The following PCDHGB4 variants were observed in gnomAD, a reference collection of about 807,000 sequenced individuals.
The protein encoded by PCDHGB4 is protocadherin gamma subfamily B, 4.
A neutral mutation model predicts 60.5 loss-of-function variants in PCDHGB4; 38 were observed. The ratio of observed to expected loss-of-function variants is 0.63; its 90% CI spans 0.48 to 0.82. The LOEUF (loss-of-function observed/expected upper bound fraction) is 0.82. Ranked by LOEUF, PCDHGB4 falls within the 40% of genes least tolerant of loss-of-function variation. The pLI, the probability that PCDHGB4 is intolerant of heterozygous loss-of-function variation, is 0.00. For synonymous variants in PCDHGB4, 456 were observed against 509.7 expected (o/e 0.89, Z 1.42); for missense variants, 1,109 against 1,209.6 (o/e 0.92, Z 1.23).
intron 1 of PCDHGB4, among the ~76,000 whole-genome samples, chr5:141,472,015 T>C (rs2099269555): frequency 6.6e-6 from 1 of 152,164 alleles, no homozygotes; most frequent in African/African-American, 2.4e-5. Flanking sequence ...AGGGGCACTA[T>C]ATTGTATGTA....
chr5:141,391,553 T>G (rs2150453893), intron 1 of PCDHGB4: 1 of 152,348 alleles, frequency 6.6e-6, no homozygotes, highest in South Asian at 2.1e-4. Context: ...CTACCCAGTT[T>G]TCCATATGCA....
intron 1 of PCDHGB4, chr5:141,419,836 G>A (rs756561978): frequency 1.9e-6 from 3 of 1,613,958 alleles, no homozygotes. Context: ...CCACTGCCAC[G>A]CTGCACCTGG....
At chr5:141,443,383 G>A (rs1302172660) in intron 1 of PCDHGB4, among the ~76,000 whole-genome samples, 1 of 152,130 alleles carries the variant, frequency 6.6e-6, no homozygotes, top group Non-Finnish European at 1.5e-5. Flanking sequence ...TACTTGGGAG[G>A]CTGAGGTGTG....
At chr5:141,461,251 A>G (rs925406409) in intron 1 of PCDHGB4, among the ~76,000 whole-genome samples, 1 of 152,156 alleles carries the variant, frequency 6.6e-6, no homozygotes, top group Non-Finnish European at 1.5e-5. Flanking sequence ...TTATATTCCC[A>G]GCAGCAATGT....
At chr5:141,433,362 T>C (rs1285511534) in intron 1 of PCDHGB4, 6 of 299,814 alleles carry the variant, frequency 2.0e-5, no homozygotes, top group Non-Finnish European at 2.5e-5. Flanking sequence ...TGTCTGCCTA[T>C]CTATCTATCT....
intron 1 of PCDHGB4, among the ~76,000 whole-genome samples, chr5:141,437,360 G>T (rs1432098876): frequency 6.6e-6 from 1 of 152,144 alleles, no homozygotes; most frequent in Non-Finnish European, 1.5e-5. Context: ...ACCTAAAATT[G>T]GAATGTAATC....
intron 3 of PCDHGB4, among the ~76,000 whole-genome samples, chr5:141,510,244 G>A (rs549784078): frequency 6.6e-6 from 1 of 151,116 alleles, no homozygotes; most frequent in African/African-American, 2.4e-5. Flanking sequence ...CTGCACTCCA[G>A]GCTGGGCGAC....
intron 1 of PCDHGB4, chr5:141,402,820 C>T: frequency 1.6e-6 from 2 of 1,288,164 alleles, no homozygotes; most frequent in Admixed American, 3.0e-5. Context: ...CACAAACCTG[C>T]TCCCAGGCTG....
rs147564249 is a variant in PCDHGB4, at chr5:141,432,378, C to T, written c.2397+42097C>T. 1 of 1,614,234 alleles carries T rather than the reference C, an allele frequency of 6.2e-7. No homozygotes were observed. Among genetic ancestry groups the T allele is most frequent in the Non-Finnish European group, 8.5e-7 (1 of 1,180,044 alleles). ...GTGATGGCGCGGGACAACGGGCACCCGCCCCTCAGCAGCAACGTGTCGTTG... is the reference window on the plus strand; with the variant it reads ...GTGATGGCGCGGGACAACGGGCACCTGCCCCTCAGCAGCAACGTGTCGTTG... On this transcript the variant is annotated intron_variant, in intron 1 of 3. Coordinates refer to ENST00000519479, the MANE Select transcript of PCDHGB4 (RefSeq NM_003736.4). This position sits in a 1 kb window ranked among gnomAD's most constrained non-coding sequence, Gnocchi z 6.0.
rs747671382 is a variant in PCDHGB4 at position 141,444,152 on chromosome 5, ATTTTTTTTTTTTTTTTTTTT to A, written c.2398-50638_2398-50619del. ...GATATGTGTCACTTGTGTGTACTGG[ATTTTTTTTTTTTTTTTTTTT>A]TTTTTTTTTTTTTTTTGAGATGGAG... On this transcript the variant is annotated intron_variant, in intron 1 of 3. Transcript: ENST00000519479. 2.4e-4 allele frequency among the ~76,000 whole-genome samples: 8 copies of A among 33,898 alleles called. No homozygotes were observed. In the East Asian group the frequency reaches 3.0e-3, roughly 13 times the overall value. 22.2% of individuals were successfully genotyped at this position (33,898 alleles called of 152,430 possible). A position where few individuals can be genotyped will look rare whatever the true frequency, so the allele number is the denominator to read the frequency against.
At chr5:141,499,029 A>AAGGAAGGAAGGAAGGAAGGAAGG (rs1562187768) in intron 2 of PCDHGB4, among the ~76,000 whole-genome samples, 1 of 139,968 alleles carries the variant, frequency 7.1e-6, no homozygotes, top group African/African-American at 2.8e-5. Flanking sequence ...AGGAAGGAAG[A>AAGGAAGGAAGGAAGGAAGGAAGG]AAAGAAAGAA....
intron 1 of PCDHGB4, chr5:141,433,042 G>A (rs752612411): frequency 6.2e-6 from 10 of 1,614,142 alleles, no homozygotes; most frequent in Non-Finnish European, 7.6e-6. Flanking sequence ...CCCTCACCAC[G>A]GACTCGCGGA....
intron 1 of PCDHGB4, among the ~76,000 whole-genome samples, chr5:141,481,109 A>G (rs959629019): frequency 6.6e-6 from 1 of 152,186 alleles, no homozygotes; most frequent in Non-Finnish European, 1.5e-5. Flanking sequence ...GGAACCTACC[A>G]ATCCATCATT....
intron 1 of PCDHGB4, chr5:141,417,503 T>G (rs1171198405): frequency 8.7e-6 from 2 of 229,844 alleles, no homozygotes; most frequent in East Asian, 1.9e-4. Context: ...GGAAAAAGAT[T>G]AAAATATTTT....
chr5:141,399,831 TG>T (rs1368149251), intron 1 of PCDHGB4: 1 of 1,613,172 alleles, frequency 6.2e-7, no homozygotes, highest in South Asian at 1.1e-5. Flanking sequence ...CCGACGGCTC[TG>T]CGCTCTTCGA....
In PCDHGB4 at chr5:141,490,682, C is replaced by T. The variant is rs1286126848; in HGVS notation, c.2398-4125C>T. On this transcript the variant is annotated intron_variant, in intron 1 of 3. Coordinates refer to ENST00000519479, the MANE Select transcript of PCDHGB4 (RefSeq NM_003736.4). The surrounding 1 kb of genome is among the most constrained non-coding windows in gnomAD (Gnocchi z 5.4). ...CTTTGCACTGTGGCTGCCTCAGATC[C>T]AGACACTGGGGATAATGCCCGCCTC... 10 of 1,614,054 alleles carry T rather than the reference C, an allele frequency of 6.2e-6. No homozygotes were observed. The highest frequency in any genetic ancestry group is 3.3e-5 in the Admixed American group (2 of 60,008).
rs201540226 is a variant in PCDHGB4, at chr5:141,399,196, G to T, written c.2397+8915G>T. On this transcript the variant is annotated intron_variant, in intron 1 of 3. Coordinates refer to ENST00000519479, the MANE Select transcript of PCDHGB4 (RefSeq NM_003736.4). ...ACTTGAAATGATTCTGGAAAACGCG[G>T]TGCCTGGAACACTAATTGCTTTGAT... The T allele has an allele frequency of 4.2e-5, 67 of 1,613,820 alleles. 1 individual carries two copies. In the African/African-American group the frequency reaches 5.7e-4, roughly 14 times the overall value.
Position 141,389,656 on chromosome 5 carries a change from C to T in PCDHGB4, c.1772C>T (p.Ala591Val), listed in dbSNP as rs763730959. ...GGCTACTTGGTGACCAAGGTAGTGG[C>T]GGTGGACGCAGACTCAGGACACAAC... ...EPGYLVTKVV[A>V]VDADSGHNAW... The change falls in exon 1 of 4, where the codon GCG becomes GTG. Residue 591 changes from alanine (A) to valine (V), a missense_variant. Transcript: ENST00000519479. 1.2e-6 allele frequency: 2 copies of T among 1,612,538 alleles called. No homozygotes were observed. The highest frequency in any genetic ancestry group is 1.7e-6 in the Non-Finnish European group (2 of 1,179,820).
chr5:141,399,682 G>C, intron 1 of PCDHGB4: 2 of 1,613,512 alleles, frequency 1.2e-6, no homozygotes, highest in Non-Finnish European at 1.7e-6. Context: ...CTTTGACTAC[G>C]AGCAGCTGCG....
Sources: allele counts gnomAD v4.1 joint callset (sites outside exome capture counted in the v4.1 genomes callset), GRCh38; gene constraint gnomAD v4.1.1; non-coding constraint Gnocchi (gnomAD v3.1); transcripts MANE v1.5; gene names NCBI Gene and HGNC (gene_info 2026-07-23, HGNC 2026-07-21).